CCDC57: variants seen among roughly 807,000 people sequenced by gnomAD.
CCDC57 encodes the protein coiled-coil domain-containing protein 57.
A neutral mutation model predicts 118.9 loss-of-function variants in CCDC57; 118 were observed. The ratio of observed to expected loss-of-function variants is 0.99; its 90% CI spans 0.86 to 1.16. CCDC57 has a LOEUF of 1.16. CCDC57 is among the 50% of genes most tolerant of loss of function. The pLI is 0.00. For missense variants in CCDC57, 1,300 were observed against 1,320.7 expected (o/e 0.98, Z 0.24); for synonymous variants, 527 against 532.9 (o/e 0.99, Z 0.15).
At chr17:82,119,941 G>A (rs1265484808) in intron 19 of CCDC57, among the ~76,000 whole-genome samples, 4 of 152,152 alleles carry the variant, frequency 2.6e-5, no homozygotes, top group Admixed American at 6.5e-5. Flanking sequence ...GAGGTTGGCC[G>A]TGCCCTGGGA....
chr17:82,106,368 G>C (rs1053353878), intron 19 of CCDC57: 1 of 152,390 alleles, frequency 6.6e-6, no homozygotes. Context: ...CCCGACCAGA[G>C]CCCATCTGAG....
intron 13 of CCDC57, among the ~76,000 whole-genome samples, chr17:82,166,858 GT>G (rs2044050389): frequency 6.6e-6 from 1 of 152,102 alleles, no homozygotes; most frequent in African/African-American, 2.4e-5. Context: ...CAAGGCTGCA[GT>G]GAGCTATGAC....
In CCDC57 at chr17:82,196,659, C is replaced by T. The variant is rs140717275; in HGVS notation, c.517-1295G>A. 3.6e-4 allele frequency among the ~76,000 whole-genome samples: 55 copies of T among 152,262 alleles called. 1 individual carries two copies. Among genetic ancestry groups the T allele is most frequent in the African/African-American group, 1.3e-3 (54 of 41,554 alleles). On this transcript the variant is annotated intron_variant, in intron 4 of 19. Transcript: ENST00000665763. ...TGCTGCACCTGCACAGACGCAGCCC[C>T]TTATGACACCCCCATAGACACAGCT...
chr17:82,203,782 T>C (rs2049268503), intron 2 of CCDC57, among the ~76,000 whole-genome samples: 1 of 152,178 alleles, frequency 6.6e-6, no homozygotes, highest in African/African-American at 2.4e-5. Flanking sequence ...CCACACCCAG[T>C]TGGGGGACAA....
intron 13 of CCDC57, among the ~76,000 whole-genome samples, chr17:82,169,032 A>C (rs1338398690): frequency 6.6e-6 from 1 of 152,248 alleles, no homozygotes; most frequent in Non-Finnish European, 1.5e-5. Flanking sequence ...AGCTATTATC[A>C]ACATCATACC....
In CCDC57 at chr17:82,127,917, G is replaced by C. The variant is rs763660437; in HGVS notation, c.2683-9C>G. 6.2e-7 allele frequency: 1 copy of C among 1,610,936 alleles called. No individual in the cohort carries two copies. The highest frequency in any genetic ancestry group is 1.1e-5 in the South Asian group (1 of 90,698). On this transcript the variant is annotated splice_polypyrimidine_tract_variant and intron_variant, in intron 18 of 19. Coordinates refer to ENST00000665763, the Ensembl canonical transcript of CCDC57. ...TGGATGCTGTGTTGTGTCTAGAAAA[G>C]ACATCATCGTCTTGAAAGCCACCCT...
chr17:82,148,504 C>G (rs563951005), intron 16 of CCDC57, among the ~76,000 whole-genome samples: 32 of 24,172 alleles, frequency 1.3e-3, no homozygotes, highest in South Asian at 1.8e-3. Context: ...TGGGTGGATA[C>G]ATGGATGGGT....
chr17:82,127,908 T>C (rs879184189), exon 19 of CCDC57: 2 of 1,611,520 alleles, frequency 1.2e-6, no homozygotes, highest in Non-Finnish European at 1.7e-6. Context: ...CTGTGTTGTG[T>C]CTAGAAAAGA....
At chr17:82,195,414 A>G in intron 4 of CCDC57, 50 bp from the exon 4 acceptor site, 6 of 1,430,496 alleles carry the variant, frequency 4.2e-6, no homozygotes, top group Non-Finnish European at 5.8e-6. Flanking sequence ...CCCAGCAAAG[A>G]CCCCCACCCA....
Position 82,133,241 on chromosome 17 carries a change from G to A in CCDC57, c.2577+832C>T, listed in dbSNP as rs114713633. ...TAAAAATTAGCCATTAGGCATGGTG[G>A]TACACACCTGTGGTCCCAGCTACTT... On this transcript the variant is annotated intron_variant, in intron 17 of 19. Coordinates refer to ENST00000665763, the Ensembl canonical transcript of CCDC57. 7.1e-3 allele frequency among the ~76,000 whole-genome samples: 1,079 copies of A among 151,978 alleles called. 16 individuals are homozygous for A. Among genetic ancestry groups the A allele is most frequent in the African/African-American group, 0.025 (1,053 of 41,416 alleles).
At chr17:82,154,676 GGGTCC>G (rs2042465176) in intron 15 of CCDC57, 1 of 152,046 alleles carries the variant, frequency 6.6e-6, no homozygotes, top group African/African-American at 2.4e-5. Flanking sequence ...CTCCTGTGCA[GGGTCC>G]AGGGTCCCAC....
At chr17:82,208,296 G>T (rs536633625) in intron 1 of CCDC57, among the ~76,000 whole-genome samples, 1 of 151,954 alleles carries the variant, frequency 6.6e-6, no homozygotes, top group Non-Finnish European at 1.5e-5. Context: ...TTGTTTTCTT[G>T]CCCAGGCTGG....
At chr17:82,105,988 G>A (rs528042367) in intron 19 of CCDC57, among the ~76,000 whole-genome samples, 1 of 152,330 alleles carries the variant, frequency 6.6e-6, no homozygotes, top group South Asian at 2.1e-4. Flanking sequence ...GTGGGCCCTC[G>A]GGGGCCTGGG....
In CCDC57 at chr17:82,172,901, G is replaced by T; in HGVS notation, c.1507-41C>A. On this transcript the variant is annotated intron_variant, in intron 11 of 19. Transcript: ENST00000665763. This position sits in a 1 kb window ranked among gnomAD's most constrained non-coding sequence, Gnocchi z 5.2. ...AAAAATGGCTACAAAAAGATGAATG[G>T]TTCCCCAGCTTGTCCTGACAGGCTG... 6.4e-7 allele frequency: 1 copy of T among 1,551,036 alleles called. No homozygotes were observed.
At chr17:82,107,957 A>C (rs1485533850) in intron 19 of CCDC57, among the ~76,000 whole-genome samples, 2 of 152,184 alleles carry the variant, frequency 1.3e-5, no homozygotes, top group African/African-American at 4.8e-5. Flanking sequence ...CACTCTGCAC[A>C]CACCTCAGGA....
intron 8 of CCDC57, among the ~76,000 whole-genome samples, chr17:82,186,627 C>T (rs1167545800): frequency 6.6e-6 from 1 of 152,054 alleles, no homozygotes; most frequent in Non-Finnish European, 1.5e-5. Context: ...AGCCATTTCC[C>T]CCTTAAACAG....
rs1419614817 is a variant in CCDC57 at position 82,179,007 on chromosome 17, G to A, written c.1374+20C>T. 6.2e-7 allele frequency: 1 copy of A among 1,610,528 alleles called. No homozygotes were observed. Among genetic ancestry groups the A allele is most frequent in the Non-Finnish European group, 8.5e-7 (1 of 1,178,026 alleles). On this transcript the variant is annotated intron_variant, in intron 10 of 19. Transcript: ENST00000665763. ...TGCAGAGACGCCGAGAAGGCCCCAGGCCCTGGTGGCCGCACACACCTGACT... is the reference window on the plus strand; with the variant it reads ...TGCAGAGACGCCGAGAAGGCCCCAGACCCTGGTGGCCGCACACACCTGACT...
At chr17:82,184,541 C>T (rs189226366) in intron 8 of CCDC57, among the ~76,000 whole-genome samples, 1 of 152,230 alleles carries the variant, frequency 6.6e-6, no homozygotes, top group African/African-American at 2.4e-5. Flanking sequence ...CAGTACTAAC[C>T]TAGGCAAGAT....
intron 13 of CCDC57, among the ~76,000 whole-genome samples, chr17:82,164,997 T>C (rs1253027620): frequency 6.6e-6 from 1 of 152,328 alleles, no homozygotes; most frequent in Middle Eastern, 3.4e-3. Flanking sequence ...GTCTTACTCA[T>C]GAACATAAAT....
Sources: allele counts gnomAD v4.1 joint callset (sites outside exome capture counted in the v4.1 genomes callset), GRCh38; gene constraint gnomAD v4.1.1; non-coding constraint Gnocchi (gnomAD v3.1); transcripts MANE v1.5; gene names NCBI Gene and HGNC (gene_info 2026-07-23, HGNC 2026-07-21).